CBLN2: variants seen among roughly 807,000 people sequenced by gnomAD.
CBLN2 encodes cerebellin 2 precursor.
In CBLN2, 7 loss-of-function variants were observed where a neutral mutation model predicts 15.0. The observed-to-expected ratio is 0.47, with a 90% CI of 0.27 to 0.88. The LOEUF (loss-of-function observed/expected upper bound fraction) is 0.88, where lower values mean the gene tolerates loss of function less well. Among genes scored for constraint, CBLN2 ranks in the 40% least tolerant of loss-of-function variants. The pLI is 0.14. For synonymous variants in CBLN2, 149 were observed against 135.2 expected (o/e 1.10, Z -0.71); for missense variants, 242 against 304.5 (o/e 0.79, Z 1.53).
At chr18:72,577,790 C>T (rs905620181) in intron 1 of CBLN2, among the ~76,000 whole-genome samples, 10 of 152,158 alleles carry the variant, frequency 6.6e-5, no homozygotes, top group South Asian at 6.2e-4. Context: ...AATATGTAGA[C>T]GTAAATGTTG....
intron 1 of CBLN2, among the ~76,000 whole-genome samples, chr18:72,634,845 C>A (rs927795096): frequency 6.6e-6 from 1 of 152,154 alleles, no homozygotes; most frequent in African/African-American, 2.4e-5. Context: ...TTCTCTTCTG[C>A]AAGCATGTTT....
intron 1 of CBLN2, among the ~76,000 whole-genome samples, chr18:72,604,794 C>T (rs1021270920): frequency 1.3e-5 from 2 of 152,236 alleles, no homozygotes; most frequent in African/African-American, 4.8e-5. Context: ...TCACCAGATG[C>T]AGGCCCTCAA....
intron 1 of CBLN2, among the ~76,000 whole-genome samples, chr18:72,569,407 T>C (rs1004987742): frequency 6.6e-6 from 1 of 152,188 alleles, no homozygotes; most frequent in African/African-American, 2.4e-5. Flanking sequence ...ACAGCTAGAT[T>C]TTTACATCTG....
chr18:72,565,513 G>A (rs1254590207), intron 1 of CBLN2, among the ~76,000 whole-genome samples: 1 of 152,124 alleles, frequency 6.6e-6, no homozygotes, highest in African/African-American at 2.4e-5. Context: ...TATAAATTGT[G>A]GGGCAAGGGC....
intron 1 of CBLN2, among the ~76,000 whole-genome samples, chr18:72,585,680 C>T (rs1035522372): frequency 5.3e-5 from 8 of 152,186 alleles, no homozygotes; most frequent in Admixed American, 4.6e-4. Context: ...CACCAAGGAC[C>T]CACCCCTTTC....
chr18:72,554,318 AAC>A (rs745485636), intron 1 of CBLN2, among the ~76,000 whole-genome samples: 1 of 152,140 alleles, frequency 6.6e-6, no homozygotes, highest in Non-Finnish European at 1.5e-5. Context: ...GAGAAAAATA[AAC>A]ATTTTCTTTA....
chr18:72,542,064 C>G lies in CBLN2; in HGVS notation c.97G>C (p.Gly33Arg), dbSNP rs747666102. The G allele has an allele frequency of 2.6e-6, 4 of 1,565,342 alleles. No individual in the cohort carries two copies. Among genetic ancestry groups the G allele is most frequent in the East Asian group, 2.5e-5 (1 of 39,982 alleles). The change falls in exon 3 of 5, where the codon GGG becomes CGG. Residue 33 changes from glycine (G) to arginine (R), a missense_variant. By Grantham distance (125) the Gly-to-Arg change is moderately radical (BLOSUM62 -2). This residue lies in a region of CBLN2 where 96 missense variants were observed against 83.8 expected (regional missense o/e 1.15). Coordinates refer to ENST00000269503, the MANE Select transcript of CBLN2 (RefSeq NM_182511.4). Reference protein sequence around the residue: ...REPGGCGSCLGVALALLLLLL... With the variant: ...REPGGCGSCLRVALALLLLLL... Reference sequence around the variant, plus strand: ...AGCAACAGCAGGGCCAGCGCCACCCCCAGGCAGGATCCGCAGCCGCCCGGC... The same window carrying G: ...AGCAACAGCAGGGCCAGCGCCACCCGCAGGCAGGATCCGCAGCCGCCCGGC...
chr18:72,542,223 G>A lies in CBLN2; in HGVS notation c.-63C>T. 1.8e-6 allele frequency: 2 copies of A among 1,108,600 alleles called. No individual in the cohort carries two copies. Among genetic ancestry groups the A allele is most frequent in the South Asian group, 4.5e-5 (1 of 22,146 alleles). 68.7% of individuals were successfully genotyped at this position (1,108,600 alleles called of 1,614,324 possible). ...GGCGCCGGCGCGAGCGGCGCGGAAG[G>A]GCGCGAAGGAACGCGCGGAGCTCGC... is the stretch of plus-strand genomic sequence containing the variant. On this transcript the variant is annotated 5_prime_UTR_variant, in exon 3 of 5. Transcript: ENST00000269503.
intron 1 of CBLN2, among the ~76,000 whole-genome samples, chr18:72,587,057 A>G (rs896848278): frequency 7.9e-5 from 12 of 152,054 alleles, no homozygotes; most frequent in Non-Finnish European, 1.6e-4. Flanking sequence ...TATCATCAAC[A>G]TTCTAATAAT....
intron 1 of CBLN2, among the ~76,000 whole-genome samples, chr18:72,568,559 TA>T (rs1364877947): frequency 4.6e-5 from 7 of 151,436 alleles, no homozygotes; most frequent in Non-Finnish European, 7.4e-5. Context: ...TTACATAAAC[TA>T]AAAAAACTAA....
At chr18:72,546,925 C>T (rs2069161974), upstream of CBLN2, among the ~76,000 whole-genome samples, 1 of 152,112 alleles carries the variant, frequency 6.6e-6, no homozygotes, top group African/African-American at 2.4e-5. Context: ...AATGCATCTT[C>T]AGCGTGCATT....
chr18:72,618,519 G>C (rs565586271), intron 1 of CBLN2: 1 of 690,544 alleles, frequency 1.4e-6, no homozygotes, highest in South Asian at 1.4e-5. Context: ...AAGAGTTGTG[G>C]AACCAAAAAG....
chr18:72,615,520 G>A (rs561467460), intron 1 of CBLN2, among the ~76,000 whole-genome samples: 4 of 151,784 alleles, frequency 2.6e-5, no homozygotes, highest in Non-Finnish European at 5.9e-5. Context: ...CATGTGATCC[G>A]CCTGCCTTGG....
At chr18:72,558,166 C>T (rs1048993973) in intron 1 of CBLN2, among the ~76,000 whole-genome samples, 3 of 152,138 alleles carry the variant, frequency 2.0e-5, no homozygotes, top group African/African-American at 7.2e-5. Context: ...CTTAGTGTGG[C>T]ACCTTGGGCC....
intron 4 of CBLN2, 115 bp downstream of exon 4, chr18:72,538,538 C>A (rs1356887526): frequency 2.0e-6 from 3 of 1,487,778 alleles, no homozygotes; most frequent in East Asian, 4.5e-5. Flanking sequence ...CCACATCACC[C>A]CCTGGACAGA....
chr18:72,636,664 C>A (rs983738278), intron 1 of CBLN2, among the ~76,000 whole-genome samples: 1 of 152,124 alleles, frequency 6.6e-6, no homozygotes, highest in Non-Finnish European at 1.5e-5. Flanking sequence ...AGATAACACC[C>A]AACTCTGGCT....
upstream of CBLN2, among the ~76,000 whole-genome samples, chr18:72,545,280 C>T (rs1363035310): frequency 6.6e-6 from 1 of 152,202 alleles, no homozygotes; most frequent in East Asian, 1.9e-4. Context: ...AGTCATTGCA[C>T]ACTGCTGCGT....
At chr18:72,566,042 A>G (rs1380204181) in intron 1 of CBLN2, among the ~76,000 whole-genome samples, 1 of 152,206 alleles carries the variant, frequency 6.6e-6, no homozygotes, top group African/African-American at 2.4e-5. Context: ...AAGACATACA[A>G]ATGGTCCGCA....
In CBLN2 at chr18:72,537,854, A is replaced by C; in HGVS notation, c.*322T>G. The C allele has an allele frequency of 2.7e-6, 1 of 373,318 alleles. No homozygotes were observed. The highest frequency in any genetic ancestry group is 2.6e-5 in the South Asian group (1 of 38,488). 23.1% of individuals were successfully genotyped at this position (373,318 alleles called of 1,614,324 possible). ...GTTGGGACGACAATACAACATACAA[A>C]CAAAAGAGGTCCATGGTCCCAACAA... On this transcript the variant is annotated 3_prime_UTR_variant, in exon 5 of 5. Transcript: ENST00000269503.
Sources: gnomAD v4.1 joint callset for allele counts (sites outside exome capture counted in the v4.1 genomes callset) on GRCh38, gnomAD v4.1.1 for gene constraint, gnomAD v4.1.1 regional missense constraint, MANE v1.5 for transcripts, NCBI Gene and HGNC (gene_info 2026-07-23, HGNC 2026-07-21) for gene names.